Variants in FRYL observed in about 807,000 individuals in gnomAD.
The protein encoded by FRYL is FRY like transcription coactivator, also known as protein furry homolog-like.
In FRYL, 150 loss-of-function variants were observed where a neutral mutation model predicts 351.2. That is an observed-to-expected ratio of 0.43 (90% CI 0.37 to 0.49). The LOEUF is 0.49. Ranked by LOEUF, FRYL falls within the 20% of genes least tolerant of loss-of-function variation. The pLI is 0.00. For missense variants in FRYL, 3,036 were observed against 3,619.3 expected (o/e 0.84, Z 4.13); for synonymous variants, 1,153 against 1,257.1 (o/e 0.92, Z 1.75).
chr4:48,730,899 C>A (rs576841721), intron 1 of FRYL, among the ~76,000 whole-genome samples: 1 of 152,222 alleles, frequency 6.6e-6, no homozygotes, highest in South Asian at 2.1e-4. Context: ...GTGCTAAATG[C>A]CCCAATTAAA....
chr4:48,510,784 T>C (rs1349107369), intron 58 of FRYL, 51 bp downstream of exon 58: 2 of 1,381,462 alleles, frequency 1.4e-6, no homozygotes, highest in Non-Finnish European at 2.0e-6. Flanking sequence ...ACTTACTGAA[T>C]GATGCCATTC....
intron 1 of FRYL, among the ~76,000 whole-genome samples, chr4:48,713,845 T>C (rs1240407941): frequency 2.0e-5 from 3 of 152,140 alleles, no homozygotes; most frequent in Non-Finnish European, 4.4e-5. Context: ...ACCACATCTA[T>C]TCCAAAATTA....
chr4:48,705,338 A>C (rs1767209139), intron 2 of FRYL, among the ~76,000 whole-genome samples: 1 of 151,826 alleles, frequency 6.6e-6, no homozygotes, highest in Non-Finnish European at 1.5e-5. Flanking sequence ...AAAGATTATA[A>C]ACAATCCAAG....
At position 48,687,504 on chromosome 4, in the gene FRYL, G is replaced by A. The variant is rs1251147453; in HGVS notation, c.-203-2709C>T. On this transcript the variant is annotated intron_variant, in intron 2 of 63. Transcript: ENST00000358350. ...GGGCAAATGAGGTCGGGGGGGGGGG[G>A]GGTGAGGGGGGAGGGGGGCGGAAAG... is the stretch of plus-strand genomic sequence containing the variant. Among the ~76,000 whole-genome samples, 7 of 97,012 alleles carry A rather than the reference G, an allele frequency of 7.2e-5. No homozygotes were observed. In the South Asian group the frequency reaches 2.4e-3, roughly 33 times the overall value. 63.6% of individuals were successfully genotyped at this position (97,012 alleles called of 152,430 possible).
At chr4:48,512,753 G>T in intron 56 of FRYL, 65 bp from the exon 57 acceptor site, 1 of 1,169,084 alleles carries the variant, frequency 8.6e-7, no homozygotes, top group Non-Finnish European at 1.3e-6. Flanking sequence ...GCTCAATCAC[G>T]TAAGACAGCT....
At chr4:48,547,096 C>A (rs1429453988) in intron 41 of FRYL, among the ~76,000 whole-genome samples, 1 of 151,806 alleles carries the variant, frequency 6.6e-6, no homozygotes, top group Admixed American at 6.6e-5. Flanking sequence ...AGAAAATATA[C>A]CTTAAAAGTA....
chr4:48,727,370 C>A (rs1216285656), intron 1 of FRYL: 1 of 152,190 alleles, frequency 6.6e-6, no homozygotes, highest in Admixed American at 6.5e-5. Flanking sequence ...AGGCAAACCA[C>A]TGCCCCACTG....
chr4:48,562,210 A>G (rs1735680065), intron 32 of FRYL, among the ~76,000 whole-genome samples: 1 of 150,608 alleles, frequency 6.6e-6, no homozygotes, highest in Admixed American at 6.6e-5. Flanking sequence ...GCATAAGTGA[A>G]AAAAAAAAAC....
Position 48,579,067 on chromosome 4 carries a change from C to A in FRYL, c.2434G>T (p.Glu812Ter). ...GTAGAGCAGTGTTTAGGAAGATTTTCTTGCTTTAAAAAACTGGAGAGACTT... is the reference window on the plus strand; with the variant it reads ...GTAGAGCAGTGTTTAGGAAGATTTTATTGCTTTAAAAAACTGGAGAGACTT... The part of the protein sequence containing the change: ...IISLSSFLKQ[E>*]NLPKHCSTAV... Residue 812 changes from glutamate (E) to a stop codon, truncating the protein, a stop_gained, in exon 23 of 64, where the codon GAA becomes TAA. Transcript: ENST00000358350. LOFTEE classifies it high-confidence loss of function. The A allele has an allele frequency of 6.2e-7, 1 of 1,613,934 alleles. No homozygotes were observed. The highest frequency in any genetic ancestry group is 8.5e-7 in the Non-Finnish European group (1 of 1,179,898).
In FRYL at chr4:48,542,051, T is replaced by G. The variant is rs771039499; in HGVS notation, c.5663A>C (p.Tyr1888Ser). Reference sequence around the variant, plus strand: ...CTGAGAAAGGGCAGAAAGAAGATCATAATGCTTCATGGTTTCAGCCAAAGT... The same window carrying G: ...CTGAGAAAGGGCAGAAAGAAGATCAGAATGCTTCATGGTTTCAGCCAAAGT... ...IDTLAETMKHYDLLSALSQTS... is the reference protein window; with the variant it reads ...IDTLAETMKHSDLLSALSQTS... The change falls in exon 45 of 64, where the codon TAT (tyrosine) becomes TCT (serine). Residue 1888 changes from tyrosine to serine, a missense_variant. By Grantham distance (144) the Tyr-to-Ser change is moderately radical (BLOSUM62 -2). Transcript: ENST00000358350. The G allele has an allele frequency of 6.2e-7, 1 of 1,613,486 alleles. No homozygotes were observed. Among genetic ancestry groups the G allele is most frequent in the Non-Finnish European group, 8.5e-7 (1 of 1,179,450 alleles).
intron 2 of FRYL, among the ~76,000 whole-genome samples, chr4:48,705,853 T>C (rs2149583498): frequency 6.6e-6 from 1 of 152,286 alleles, no homozygotes; most frequent in Admixed American, 6.5e-5. Context: ...CCTTTTTTTT[T>C]TGACACAGAG....
At chr4:48,563,123 A>G (rs1735886854) in intron 31 of FRYL, 135 bp from the exon 32 acceptor site, 2 of 584,496 alleles carry the variant, frequency 3.4e-6, no homozygotes, top group Non-Finnish European at 6.2e-6. Context: ...GGTTTTTTCA[A>G]GGCAATAGGT....
chr4:48,738,665 CTTT>C (rs748249556), intron 1 of FRYL, among the ~76,000 whole-genome samples: 3 of 132,816 alleles, frequency 2.3e-5, no homozygotes, highest in Non-Finnish European at 1.6e-5. Context: ...ACATGGCTAA[CTTT>C]TTTTTTTTTT....
chr4:48,624,839 G>T (rs1303060385), intron 4 of FRYL, among the ~76,000 whole-genome samples: 1 of 152,184 alleles, frequency 6.6e-6, no homozygotes, highest in African/African-American at 2.4e-5. Context: ...GTCAGCTGAA[G>T]GCCTGAACAG....
chr4:48,677,362 A>C (rs181941915), intron 3 of FRYL, among the ~76,000 whole-genome samples: 18 of 152,232 alleles, frequency 1.2e-4, no homozygotes, highest in Admixed American at 7.2e-4. Flanking sequence ...TACAGATTAC[A>C]ATCTTACCTA....
At position 48,499,473 on chromosome 4, in the gene FRYL, T is replaced by C. The variant is rs765198513; in HGVS notation, c.8991A>G (p.Gln2997=). The change falls in exon 64 of 64, where the codon CAA becomes CAG. Residue 2997 remains glutamine, a synonymous_variant. Coordinates refer to ENST00000358350, the MANE Select transcript of FRYL (RefSeq NM_015030.2). ...CCATTGGTTTGGCCTGTGCTAGAAG[T>C]TGGTATGATTGCACCATGCGTAGAG... ...RESLRMVQSY[Q]LLAQAKPMGN... is the part of the protein sequence containing the mutation. 1 of 1,613,948 alleles carries C rather than the reference T, an allele frequency of 6.2e-7. No homozygotes were observed. The highest frequency in any genetic ancestry group is 8.5e-7 in the Non-Finnish European group (1 of 1,179,806).
At chr4:48,733,567 C>T (rs1378126781) in intron 1 of FRYL, among the ~76,000 whole-genome samples, 1 of 152,062 alleles carries the variant, frequency 6.6e-6, no homozygotes, top group Non-Finnish European at 1.5e-5. Flanking sequence ...CTTTTTCTTA[C>T]TCCTAATTAA....
chr4:48,761,175 A>T (rs959759219), intron 1 of FRYL, among the ~76,000 whole-genome samples: 1 of 152,136 alleles, frequency 6.6e-6, no homozygotes, highest in Non-Finnish European at 1.5e-5. Context: ...AAATAATTTT[A>T]CATTTCTACT....
At chr4:48,500,402 T>C (rs1479021593) in intron 62 of FRYL, among the ~76,000 whole-genome samples, 182 bp from the exon 63 acceptor site, 1 of 152,192 alleles carries the variant, frequency 6.6e-6, no homozygotes, top group Non-Finnish European at 1.5e-5. Flanking sequence ...GCAAATAAAT[T>C]CCACCAAATA....
Sources: gnomAD v4.1 joint callset for allele counts (sites outside exome capture counted in the v4.1 genomes callset) on GRCh38, gnomAD v4.1.1 for gene constraint, MANE v1.5 for transcripts, NCBI Gene and HGNC (gene_info 2026-07-23, HGNC 2026-07-21) for gene names.